CEP128: variants seen among roughly 807,000 people sequenced by gnomAD.
CEP128 encodes the protein centrosomal protein 128kDa.
Under a neutral mutation model 156.7 loss-of-function variants are expected in CEP128, and 132 were observed. The ratio of observed to expected loss-of-function variants is 0.84; its 90% CI spans 0.73 to 0.97. The LOEUF (loss-of-function observed/expected upper bound fraction) is 0.97, where lower values mean the gene tolerates loss of function less well. CEP128 is among the 50% of genes least tolerant of loss of function. The probability of loss-of-function intolerance (pLI) is 0.00; values close to 1 mark genes in which losing one functional copy is unlikely to be tolerated. For synonymous variants in CEP128, 469 were observed against 448.9 expected, an observed-to-expected ratio of 1.04 and a Z score of -0.57; for missense variants, 1,252 against 1,281.9, an observed-to-expected ratio of 0.98 and a Z score of 0.36.
chr14:80,881,356 C>A (rs1888544272), intron 8 of CEP128, among the ~76,000 whole-genome samples: 1 of 151,968 alleles, frequency 6.6e-6, no homozygotes. Flanking sequence ...ACAGACACAA[C>A]CTACAAAGAT....
intron 4 of CEP128, among the ~76,000 whole-genome samples, chr14:80,913,417 T>G (rs1221307941): frequency 6.6e-6 from 1 of 152,248 alleles, no homozygotes; most frequent in Non-Finnish European, 1.5e-5. Flanking sequence ...ATATTTAATA[T>G]GATTCCATTT....
At chr14:80,811,677 ATGTG>A (rs71645384) in intron 13 of CEP128, among the ~76,000 whole-genome samples, 5,600 of 146,150 alleles carry the variant, frequency 0.038, 224 homozygotes, top group African/African-American at 0.11. Flanking sequence ...GTACAGACAT[ATGTG>A]TGTGTGTGTG....
chr14:80,701,629 G>A (rs1353255688), intron 19 of CEP128, among the ~76,000 whole-genome samples: 1 of 152,102 alleles, frequency 6.6e-6, no homozygotes, highest in Non-Finnish European at 1.5e-5. Flanking sequence ...GACTAAAAGG[G>A]ACCGCTTGAA....
At chr14:80,895,314 T>C (rs1169033800) in intron 8 of CEP128, among the ~76,000 whole-genome samples, 2 of 152,124 alleles carry the variant, frequency 1.3e-5, no homozygotes, top group Non-Finnish European at 2.9e-5. Context: ...TGAGATGACC[T>C]GAAAATGGGG....
In CEP128 at chr14:80,751,921, G is replaced by A. The variant is rs118143586; in HGVS notation, c.2613+4971C>T. Among the ~76,000 whole-genome samples the A allele has an allele frequency of 8.1e-3, 1,239 of 152,168 alleles. 15 individuals are homozygous for A. Among genetic ancestry groups the A allele is most frequent in the Non-Finnish European group, 0.01 (684 of 68,002 alleles). Reference sequence around the variant, plus strand: ...GCTGGGATTACAAGTGTGAGCCACCGCACCCAGGTAATGGCATTTTTTAAA... The same window carrying A: ...GCTGGGATTACAAGTGTGAGCCACCACACCCAGGTAATGGCATTTTTTAAA... On this transcript the variant is annotated intron_variant, in intron 18 of 24. Transcript: ENST00000555265.
chr14:80,777,353 A>C (rs1595382926), intron 16 of CEP128, among the ~76,000 whole-genome samples: 1 of 152,178 alleles, frequency 6.6e-6, no homozygotes, highest in Non-Finnish European at 1.5e-5. Context: ...CAGCAAGAAG[A>C]AGCATCTGTG....
At chr14:80,744,006 G>A (rs763167025) in intron 18 of CEP128, among the ~76,000 whole-genome samples, 1 of 151,748 alleles carries the variant, frequency 6.6e-6, no homozygotes, top group Non-Finnish European at 1.5e-5. Flanking sequence ...CAGTAGCTGG[G>A]ACTACAGGTA....
At chr14:80,534,402 T>G (rs1889379579) in intron 21 of CEP128, among the ~76,000 whole-genome samples, 1 of 152,230 alleles carries the variant, frequency 6.6e-6, no homozygotes, top group Non-Finnish European at 1.5e-5. Flanking sequence ...CATGAGGACC[T>G]ATGTCATGTT....
intron 19 of CEP128, among the ~76,000 whole-genome samples, chr14:80,584,649 G>A (rs190813691): frequency 1.3e-5 from 2 of 152,144 alleles, no homozygotes; most frequent in East Asian, 1.9e-4. Flanking sequence ...ACTGGGCATC[G>A]CTGAGAAGCA....
chr14:80,834,143 T>C (rs145969832), intron 12 of CEP128, among the ~76,000 whole-genome samples: 111 of 152,232 alleles, frequency 7.3e-4, no homozygotes, highest in African/African-American at 2.6e-3. Flanking sequence ...CAGGCAGACA[T>C]ACTAAGTAAC....
chr14:80,619,403 C>CACAT (rs1213364817), intron 19 of CEP128, among the ~76,000 whole-genome samples: 1 of 151,154 alleles, frequency 6.6e-6, no homozygotes, highest in Non-Finnish European at 1.5e-5. Context: ...CACACACACA[C>CACAT]ACAAATAGAA....
intron 15 of CEP128, among the ~76,000 whole-genome samples, chr14:80,780,023 G>A (rs1438097152): frequency 6.6e-6 from 1 of 152,116 alleles, no homozygotes; most frequent in African/African-American, 2.4e-5. Flanking sequence ...AAATTGCAAT[G>A]AGGTAATAGA....
At chr14:80,813,415 T>C (rs1884673317) in intron 13 of CEP128, among the ~76,000 whole-genome samples, 2 of 152,170 alleles carry the variant, frequency 1.3e-5, no homozygotes, top group East Asian at 1.9e-4. Context: ...TAAAGTCTAG[T>C]TTATAATTTT....
intron 8 of CEP128, among the ~76,000 whole-genome samples, chr14:80,890,329 A>G (rs893779720): frequency 3.3e-5 from 5 of 152,220 alleles, no homozygotes; most frequent in African/African-American, 9.6e-5. Flanking sequence ...ATGCACATGT[A>G]TGTTTATTGC....
intron 2 of CEP128, among the ~76,000 whole-genome samples, chr14:80,928,073 ATAAACAT>A (rs1200766402): frequency 7.2e-5 from 11 of 152,248 alleles, no homozygotes; most frequent in African/African-American, 2.7e-4. Context: ...ACAATCAACT[ATAAACAT>A]TAAAGTTACA....
intron 21 of CEP128, among the ~76,000 whole-genome samples, chr14:80,551,048 A>C (rs747108030): frequency 7.2e-5 from 11 of 152,122 alleles, no homozygotes; most frequent in African/African-American, 2.7e-4. Context: ...TAACAATGTT[A>C]CTCAATTCTT....
intron 13 of CEP128, among the ~76,000 whole-genome samples, chr14:80,817,557 C>T (rs1478478051): frequency 6.6e-6 from 1 of 151,960 alleles, no homozygotes; most frequent in Non-Finnish European, 1.5e-5. Context: ...AACAAAAATT[C>T]TGGAATTGAA....
At chr14:80,636,407 C>G (rs1894182061) in intron 19 of CEP128, among the ~76,000 whole-genome samples, 1 of 152,194 alleles carries the variant, frequency 6.6e-6, no homozygotes, top group Admixed American at 6.5e-5. Context: ...TCCTCTGTTT[C>G]TCAAATACAG....
At chr14:80,660,294 C>T (rs1158124176) in intron 19 of CEP128, among the ~76,000 whole-genome samples, 3 of 152,110 alleles carry the variant, frequency 2.0e-5, no homozygotes, top group Non-Finnish European at 2.9e-5. Context: ...AAGCCTTCAG[C>T]TTCTACATAT....
Sources: gnomAD v4.1 joint callset for allele counts (sites outside exome capture counted in the v4.1 genomes callset) on GRCh38, gnomAD v4.1.1 for gene constraint, MANE v1.5 for transcripts, NCBI Gene and HGNC (gene_info 2026-07-23, HGNC 2026-07-21) for gene names.